Variants in IL21R observed in about 807,000 individuals in gnomAD.
IL21R encodes interleukin 21 receptor.
IL21R carries 14 observed loss-of-function variants against 41.3 expected under a neutral mutation model. The observed-to-expected ratio is 0.34, with a 90% CI of 0.22 to 0.53. The LOEUF (loss-of-function observed/expected upper bound fraction) is 0.53, where lower values mean the gene tolerates loss of function less well. Among genes scored for constraint, IL21R ranks in the 20% least tolerant of loss-of-function variants. The probability of loss-of-function intolerance (pLI) is 0.94; values close to 1 mark genes in which losing one functional copy is unlikely to be tolerated. For missense variants in IL21R, 588 were observed against 681.6 expected (o/e 0.86, Z 1.53); for synonymous variants, 286 against 287.6 (o/e 0.99, Z 0.05).
chr16:27,435,983 A>G (rs3093336), intron 3 of IL21R, among the ~76,000 whole-genome samples: 35,583 of 151,958 alleles, frequency 0.23, 4,843 homozygotes, highest in African/African-American at 0.38. Flanking sequence ...ATGTTAGCCC[A>G]CCTGGTCTCG....
intron 2 of IL21R, among the ~76,000 whole-genome samples, chr16:27,433,652 T>C (rs1176557998): frequency 6.6e-6 from 1 of 152,180 alleles, no homozygotes; most frequent in Non-Finnish European, 1.5e-5. Context: ...GGGAGCAGGA[T>C]GGAAAGGTGT....
At chr16:27,414,258 G>A (rs1310363373) in intron 1 of IL21R, among the ~76,000 whole-genome samples, 2 of 149,428 alleles carry the variant, frequency 1.3e-5, no homozygotes, top group African/African-American at 4.9e-5. Flanking sequence ...ATCATGAATG[G>A]GTGTTGCAAT....
intron 1 of IL21R, among the ~76,000 whole-genome samples, chr16:27,420,775 A>G (rs2086987324): frequency 6.6e-6 from 1 of 152,154 alleles, no homozygotes; most frequent in Non-Finnish European, 1.5e-5. Context: ...TACTTTCTTG[A>G]TAGTATTTTT....
chr16:27,423,512 T>C (rs1156782649), intron 1 of IL21R, among the ~76,000 whole-genome samples: 1 of 152,202 alleles, frequency 6.6e-6, no homozygotes, highest in Non-Finnish European at 1.5e-5. Context: ...AAATTTGATG[T>C]TATTATCCCC....
At chr16:27,407,725 T>C (rs764710144) in intron 1 of IL21R, among the ~76,000 whole-genome samples, 1 of 152,178 alleles carries the variant, frequency 6.6e-6, no homozygotes, top group Non-Finnish European at 1.5e-5. Flanking sequence ...CTTGGGAGGC[T>C]GAGGCAGGAG....
At chr16:27,428,735 C>G (rs1252630820) in intron 1 of IL21R, among the ~76,000 whole-genome samples, 2 of 152,232 alleles carry the variant, frequency 1.3e-5, no homozygotes, top group Non-Finnish European at 2.9e-5. Context: ...GAGGTTCCTT[C>G]TCCATCCTGG....
At chr16:27,440,248 T>TATAG (rs1352160946) in intron 4 of IL21R, among the ~76,000 whole-genome samples, 1,104 of 64,016 alleles carry the variant, frequency 0.017, 9 homozygotes, top group South Asian at 0.027. Context: ...TATATATATA[T>TATAG]AGAGAGAGAG....
chr16:27,429,928 A>G lies in IL21R; in HGVS notation c.-16-128A>G. 4.2e-6 allele frequency: 3 copies of G among 716,280 alleles called. No homozygotes were observed. The Admixed American group carries it at 8.1e-5, about 19-fold the overall frequency. The allele number at this position is 716,280 out of a possible 1,614,324, so 44.4% of individuals were successfully genotyped here. Reference sequence around the variant, plus strand: ...TGGGGTCATCCACAGGCCCCTCGGGATCTTGCATTTTTCTTAAGACAGTTC... The same window carrying G: ...TGGGGTCATCCACAGGCCCCTCGGGGTCTTGCATTTTTCTTAAGACAGTTC... On this transcript the variant is annotated intron_variant, in intron 1 of 8. Coordinates refer to ENST00000337929, the MANE Select transcript of IL21R (RefSeq NM_181078.3).
intron 4 of IL21R, among the ~76,000 whole-genome samples, chr16:27,437,976 G>A (rs2087304154): frequency 6.6e-6 from 1 of 152,084 alleles, no homozygotes; most frequent in African/African-American, 2.4e-5. Context: ...TGCCCTCTGG[G>A]CCAGCTCTCC....
rs568918215 is a variant in IL21R, at chr16:27,449,547, A to G, written c.*264A>G. 1.3e-5 allele frequency: 7 copies of G among 533,112 alleles called. No homozygotes were observed. Among genetic ancestry groups the G allele is most frequent in the Non-Finnish European group, 1.7e-5 (5 of 300,338 alleles). The allele number at this position is 533,112 out of a possible 1,614,324, so 33.0% of individuals were successfully genotyped here. A position where few individuals can be genotyped will look rare whatever the true frequency, so the allele number is the denominator to read the frequency against. On this transcript the variant is annotated 3_prime_UTR_variant, in exon 9 of 9. Transcript: ENST00000337929. ...TGCCTGTGGGCCTGGGATAATGCCC[A>G]TGGTACTCCATGCATTCACCTGCCC...
chr16:27,446,531 C>T (rs535256775), intron 8 of IL21R, among the ~76,000 whole-genome samples: 379 of 151,734 alleles, frequency 2.5e-3, no homozygotes, highest in Non-Finnish European at 3.8e-3. Context: ...CAGAGGCTGC[C>T]GTGAGCTATG....
intron 4 of IL21R, among the ~76,000 whole-genome samples, chr16:27,440,240 TATATATATAGAG>T (rs1567369900): frequency 2.3e-5 from 2 of 88,700 alleles, no homozygotes; most frequent in African/African-American, 1.1e-4. Context: ...TATATATATA[TATATATATAGAG>T]AGAGAGAGAG....
chr16:27,430,873 C>T (rs1442366553), intron 2 of IL21R, among the ~76,000 whole-genome samples: 5 of 152,056 alleles, frequency 3.3e-5, no homozygotes, highest in Admixed American at 2.0e-4. Flanking sequence ...TCTTAGCAGG[C>T]ACTGGTGGTC....
chr16:27,417,678 T>C (rs1437565927), intron 1 of IL21R, among the ~76,000 whole-genome samples: 2 of 152,072 alleles, frequency 1.3e-5, no homozygotes, highest in Non-Finnish European at 2.9e-5. Context: ...GCTACAAACC[T>C]GCACAGCATG....
At position 27,403,539 on chromosome 16, in the gene IL21R, C is replaced by T. The variant is rs533286953; in HGVS notation, c.-17+921C>T. Reference sequence around the variant, plus strand: ...AACCCGGCCACGCGCCTTCCTCACTCGGTGAACTTGGGCAAGTCTCTCTGC... The same window carrying T: ...AACCCGGCCACGCGCCTTCCTCACTTGGTGAACTTGGGCAAGTCTCTCTGC... On this transcript the variant is annotated intron_variant, in intron 1 of 8. Transcript: ENST00000337929. Among the ~76,000 whole-genome samples the T allele has an allele frequency of 5.3e-5, 8 of 152,278 alleles. No homozygotes were observed. In the South Asian group the frequency reaches 8.3e-4, roughly 16 times the overall value.
At chr16:27,429,132 G>T (rs1055695817) in intron 1 of IL21R, among the ~76,000 whole-genome samples, 1 of 152,160 alleles carries the variant, frequency 6.6e-6, no homozygotes, top group Non-Finnish European at 1.5e-5. Context: ...GCTGAGGCAG[G>T]AGAATCGCTT....
intron 1 of IL21R, among the ~76,000 whole-genome samples, chr16:27,416,024 C>T (rs2086890507): frequency 6.6e-6 from 1 of 152,224 alleles, no homozygotes; most frequent in Non-Finnish European, 1.5e-5. Flanking sequence ...TAACTTTATT[C>T]ACCTCTTCTT....
intron 1 of IL21R, among the ~76,000 whole-genome samples, chr16:27,412,606 T>A (rs1339007248): frequency 2.0e-5 from 3 of 152,166 alleles, no homozygotes; most frequent in Middle Eastern, 3.2e-3. Flanking sequence ...CAATATTAAG[T>A]CTTCCAATCC....
intron 1 of IL21R, among the ~76,000 whole-genome samples, chr16:27,426,582 T>C (rs940686711): frequency 1.3e-5 from 2 of 152,192 alleles, no homozygotes; most frequent in African/African-American, 4.8e-5. Flanking sequence ...GGGGAGACGA[T>C]GAGTAATTCA....
Sources: gnomAD v4.1 joint callset for allele counts (sites outside exome capture counted in the v4.1 genomes callset) on GRCh38, gnomAD v4.1.1 for gene constraint, MANE v1.5 for transcripts, NCBI Gene and HGNC (gene_info 2026-07-23, HGNC 2026-07-21) for gene names.